Variants in RIMS1 observed in about 807,000 individuals in gnomAD.
RIMS1 encodes regulating synaptic membrane exocytosis 1.
A neutral mutation model predicts 214.1 loss-of-function variants in RIMS1; 83 were observed. That is an observed-to-expected ratio of 0.39 (90% confidence interval 0.32 to 0.47). The LOEUF is 0.47. Ranked by LOEUF, RIMS1 falls within the 20% of genes least tolerant of loss-of-function variation. The probability of loss-of-function intolerance (pLI) is 0.99; values close to 1 mark genes in which losing one functional copy is unlikely to be tolerated. For missense variants in RIMS1, 2,050 were observed against 2,161.8 expected, an observed-to-expected ratio of 0.95 and a Z score of 1.03; for synonymous variants, 793 against 786.8, an observed-to-expected ratio of 1.01 and a Z score of -0.13.
chr6:72,068,910 C>CA (rs58411224), intron 2 of RIMS1, among the ~76,000 whole-genome samples: 270 of 140,958 alleles, frequency 1.9e-3, no homozygotes, highest in Middle Eastern at 3.7e-3. Context: ...GACTCCGTCT[C>CA]AAAAAAAAAA....
At position 72,155,624 on chromosome 6, in the gene RIMS1, AT is replaced by A. The variant is rs946071282; in HGVS notation, c.472-23948del. Among the ~76,000 whole-genome samples the A allele has an allele frequency of 2.1e-5, 3 of 141,000 alleles. 1 individual carries two copies. Among genetic ancestry groups the A allele is most frequent in the Non-Finnish European group, 4.8e-5 (3 of 61,992 alleles). The allele number at this position is 141,000 out of a possible 152,430, so 92.5% of individuals were successfully genotyped here. On this transcript the variant is annotated intron_variant, in intron 4 of 33. Coordinates refer to ENST00000521978, the MANE Select transcript of RIMS1 (RefSeq NM_014989.7). Reference sequence around the variant, plus strand: ...GGTGGAAGGCAAGGAGCAGCAAATCATTTCTTATTTGGATGGCAGCAGGCAA... The same window carrying A: ...GGTGGAAGGCAAGGAGCAGCAAATCATTCTTATTTGGATGGCAGCAGGCAA...
intron 28 of RIMS1, among the ~76,000 whole-genome samples, chr6:72,319,716 T>C (rs910088759): frequency 6.6e-5 from 10 of 152,050 alleles, no homozygotes; most frequent in Non-Finnish European, 4.4e-5. Flanking sequence ...CAGTCATTTA[T>C]TGGGTACATC....
In RIMS1 at chr6:71,886,838, T is replaced by G. The variant is rs954504714; in HGVS notation, c.-186T>G. The G allele has an allele frequency of 7.7e-6, 5 of 649,182 alleles. No homozygotes were observed. Among genetic ancestry groups the G allele is most frequent in the African/African-American group, 7.3e-5 (4 of 54,486 alleles). 40.2% of individuals were successfully genotyped at this position (649,182 alleles called of 1,614,324 possible). The stretch of plus-strand genomic sequence containing the variant: ...GGGGCTGGGTGGATGCAAACAACCA[T>G]GAAAGACTGGGTTCTCGCTCTCCCC... On this transcript the variant is annotated 5_prime_UTR_variant, in exon 1 of 34. It removes an upstream start codon present in the reference 5' UTR. Transcript: ENST00000521978.
Position 72,182,875 on chromosome 6 carries a change from G to GC in RIMS1, c.1408dup (p.Leu470ProfsTer65). The GC allele has an allele frequency of 6.4e-7, 1 of 1,563,350 alleles. No individual in the cohort carries two copies. Among genetic ancestry groups the GC allele is most frequent in the Non-Finnish European group, 8.7e-7 (1 of 1,155,996 alleles). Reference sequence around the variant, plus strand: ...AAGCCCCGGAGCTCAAAGCCCAGGAGCCCCTCAGGAAGCAGAGCCGCCTGG... The same window carrying GC: ...AAGCCCCGGAGCTCAAAGCCCAGGAGCCCCCTCAGGAAGCAGAGCCGCCTGG... On this transcript the variant is annotated frameshift_variant, in exon 6 of 34. Coordinates refer to ENST00000521978, the MANE Select transcript of RIMS1 (RefSeq NM_014989.7). LOFTEE classifies it high-confidence loss of function.
At chr6:72,398,048 G>GA (rs2098799769) in intron 31 of RIMS1, among the ~76,000 whole-genome samples, 1 of 152,070 alleles carries the variant, frequency 6.6e-6, no homozygotes, top group Non-Finnish European at 1.5e-5. Context: ...ATTAATACCA[G>GA]AAAAAATAAG....
At chr6:72,185,513 T>A (rs1049453420) in intron 6 of RIMS1, among the ~76,000 whole-genome samples, 2 of 152,156 alleles carry the variant, frequency 1.3e-5, no homozygotes, top group Non-Finnish European at 2.9e-5. Flanking sequence ...AGAAGATAAC[T>A]TGATGGATGA....
At chr6:72,316,680 T>A (rs992838054) in intron 28 of RIMS1, 1 of 590,132 alleles carries the variant, frequency 1.7e-6, no homozygotes. Flanking sequence ...CATAGATGCT[T>A]TTATTGGGTG....
At chr6:71,914,139 G>C (rs1023998397) in intron 1 of RIMS1, among the ~76,000 whole-genome samples, 4 of 152,106 alleles carry the variant, frequency 2.6e-5, no homozygotes, top group African/African-American at 4.8e-5. Context: ...TCATCTATGA[G>C]AGTGACTTGT....
chr6:72,150,781 C>A (rs1302607534), intron 4 of RIMS1, among the ~76,000 whole-genome samples: 4 of 152,160 alleles, frequency 2.6e-5, no homozygotes, highest in African/African-American at 9.7e-5. Context: ...TTCCATTCTA[C>A]TTTTCAGGCT....
intron 2 of RIMS1, among the ~76,000 whole-genome samples, chr6:71,997,934 A>G (rs1387958736): frequency 1.3e-5 from 2 of 152,144 alleles, no homozygotes; most frequent in African/African-American, 4.8e-5. Flanking sequence ...TTAATGGTGG[A>G]ATAATATAAA....
chr6:72,213,139 T>C, intron 6 of RIMS1: 4 of 1,537,034 alleles, frequency 2.6e-6, no homozygotes, highest in Middle Eastern at 1.7e-4. Context: ...GCACCTGGGA[T>C]TCATGTCTCT....
intron 29 of RIMS1, among the ~76,000 whole-genome samples, chr6:72,383,402 A>G (rs2098527512): frequency 6.6e-6 from 1 of 151,958 alleles, no homozygotes; most frequent in Non-Finnish European, 1.5e-5. Flanking sequence ...GAACAAGTAT[A>G]ATATACTAAC....
At chr6:71,946,591 G>C (rs1361151618) in intron 1 of RIMS1, among the ~76,000 whole-genome samples, 1 of 152,096 alleles carries the variant, frequency 6.6e-6, no homozygotes, top group African/African-American at 2.4e-5. Context: ...GAAGAAGAAA[G>C]AAATTAAACC....
At chr6:72,044,219 C>T (rs531136921) in intron 2 of RIMS1, among the ~76,000 whole-genome samples, 8 of 151,510 alleles carry the variant, frequency 5.3e-5, no homozygotes, top group South Asian at 2.1e-4. Context: ...TACCTCACAC[C>T]GTATATAAAA....
intron 22 of RIMS1, among the ~76,000 whole-genome samples, chr6:72,272,375 C>A (rs1204908144): frequency 6.6e-6 from 1 of 152,042 alleles, no homozygotes; most frequent in African/African-American, 2.4e-5. Flanking sequence ...TTTCTTAGGA[C>A]AAAAGCTTGG....
chr6:72,006,715 C>A (rs537474960), intron 2 of RIMS1, among the ~76,000 whole-genome samples: 3 of 152,314 alleles, frequency 2.0e-5, no homozygotes, highest in East Asian at 1.9e-4. Flanking sequence ...GCCCATGGAG[C>A]CTTGCTCATT....
intron 22 of RIMS1, among the ~76,000 whole-genome samples, chr6:72,267,006 C>G (rs1056608551): frequency 1.3e-5 from 2 of 152,070 alleles, no homozygotes; most frequent in Admixed American, 1.3e-4. Flanking sequence ...ATATTTATTT[C>G]TGGAATTGAA....
chr6:72,079,589 A>C (rs983967560), intron 2 of RIMS1, among the ~76,000 whole-genome samples: 1 of 152,206 alleles, frequency 6.6e-6, no homozygotes, highest in Admixed American at 6.5e-5. Flanking sequence ...CACAGTATGA[A>C]GCAGAAAAAT....
chr6:72,208,675 G>A (rs2053323749), intron 6 of RIMS1, among the ~76,000 whole-genome samples: 3 of 152,194 alleles, frequency 2.0e-5, no homozygotes, highest in Admixed American at 1.3e-4. Context: ...TCAGTCAGAA[G>A]TTAAAAATTG....
Sources: allele counts gnomAD v4.1 joint callset (sites outside exome capture counted in the v4.1 genomes callset), GRCh38; gene constraint gnomAD v4.1.1; transcripts MANE v1.5; gene names NCBI Gene and HGNC (gene_info 2026-07-23, HGNC 2026-07-21).